Variants in COL24A1 observed in about 807,000 individuals in gnomAD.
COL24A1 encodes collagen type XXIV alpha 1 chain.
COL24A1 carries 224 observed loss-of-function variants against 253.9 expected under a neutral mutation model. That is an observed-to-expected ratio of 0.88 (90% CI 0.79 to 0.99). The LOEUF (loss-of-function observed/expected upper bound fraction) is 0.99, where lower values mean the gene tolerates loss of function less well. COL24A1 is among the 50% of genes least tolerant of loss of function. The pLI is 0.00. For missense variants in COL24A1, 2,131 were observed against 2,068.5 expected, an observed-to-expected ratio of 1.03 and a Z score of -0.59; for synonymous variants, 685 against 673.7, an observed-to-expected ratio of 1.02 and a Z score of -0.26.
At chr1:85,842,178 T>C in intron 40 of COL24A1, 57 bp from the exon 41 acceptor site, 1 of 1,547,618 alleles carries the variant, frequency 6.5e-7, no homozygotes, top group South Asian at 1.1e-5. Flanking sequence ...AGATATTGCA[T>C]TATTCTGAAA....
At chr1:85,970,157 G>T (rs1571415509) in intron 22 of COL24A1, 70 bp downstream of exon 22, 3 of 1,333,112 alleles carry the variant, frequency 2.3e-6, no homozygotes, top group Non-Finnish European at 2.0e-6. Flanking sequence ...ATGTTATGAT[G>T]TTAAAAACAT....
chr1:85,922,708 A>G (rs541438014), intron 24 of COL24A1, among the ~76,000 whole-genome samples: 26 of 152,356 alleles, frequency 1.7e-4, no homozygotes, highest in Admixed American at 1.4e-3. Flanking sequence ...GCTGCTGCAA[A>G]AAACATGCCA....
intron 3 of COL24A1, 145 bp from the exon 4 acceptor site, chr1:86,115,523 C>T (rs1323364038): frequency 1.4e-6 from 1 of 702,246 alleles, no homozygotes; most frequent in African/African-American, 1.8e-5. Context: ...CACGAACCCC[C>T]TTACCCTAAT....
At position 86,018,871 on chromosome 1, in the gene COL24A1, T is replaced by A. The variant is rs571384997; in HGVS notation, c.2257-1667A>T. On this transcript the variant is annotated intron_variant, in intron 18 of 59. Coordinates refer to ENST00000370571, the MANE Select transcript of COL24A1 (RefSeq NM_152890.7). ...CCTCAGAGTGGTAGTTTTCTCTATT[T>A]TTTTTTAAAATACTTGTAGAGCAAA... 1.8e-4 allele frequency among the ~76,000 whole-genome samples: 27 copies of A among 152,274 alleles called. No individual in the cohort carries two copies. In the South Asian group the frequency reaches 5.6e-3, roughly 32 times the overall value.
At chr1:85,879,118 G>T (rs1681529787) in intron 32 of COL24A1, among the ~76,000 whole-genome samples, 1 of 151,890 alleles carries the variant, frequency 6.6e-6, no homozygotes, top group African/African-American at 2.4e-5. Flanking sequence ...TCTTTCATGG[G>T]TTGTGCTTTT....
In COL24A1 at chr1:85,730,571, T is replaced by C. The variant is rs754224232; in HGVS notation, c.5120A>G (p.Asp1707Gly). Residue 1707 changes from aspartate (D) to glycine (G), a missense_variant, in exon 60 of 60, where the codon GAC (aspartate) becomes GGC (glycine). Coordinates refer to ENST00000370571, the MANE Select transcript of COL24A1 (RefSeq NM_152890.7). ...TTACAGAAAGCATACAGAACTGCTG[T>C]CAATGTAATACTTTCGTTCAGTTTT... ...HLKTERKYYIDSSSVCFL is the reference protein window; with the variant it reads ...HLKTERKYYIGSSSVCFL 3.7e-6 allele frequency: 6 copies of C among 1,613,836 alleles called. No homozygotes were observed. Among genetic ancestry groups the C allele is most frequent in the Non-Finnish European group, 5.1e-6 (6 of 1,179,872 alleles).
chr1:86,074,195 G>A (rs975044130), intron 7 of COL24A1, among the ~76,000 whole-genome samples: 12 of 152,144 alleles, frequency 7.9e-5, no homozygotes, highest in South Asian at 2.1e-4. Context: ...AAGACCCATC[G>A]GTGTGCTGTA....
chr1:85,828,436 G>C (rs1674695453), intron 43 of COL24A1, among the ~76,000 whole-genome samples: 3 of 151,166 alleles, frequency 2.0e-5, no homozygotes, highest in African/African-American at 7.3e-5. Flanking sequence ...ATGTCTATTA[G>C]GTCTGCTTGG....
At chr1:86,111,950 C>A (rs1315545229) in intron 5 of COL24A1, among the ~76,000 whole-genome samples, 2 of 152,190 alleles carry the variant, frequency 1.3e-5, no homozygotes, top group Non-Finnish European at 2.9e-5. Context: ...TCAGAAGGAA[C>A]AAACTCTGGA....
rs148215836 is a variant in COL24A1, at chr1:85,997,015, A to ATG, written c.2311-9362_2311-9361insCA. On this transcript the variant is annotated intron_variant, in intron 19 of 59. Coordinates refer to ENST00000370571, the MANE Select transcript of COL24A1 (RefSeq NM_152890.7). ...GGATATCTTGTTTTCTTTCATATAT[A>ATG]TATGTGTGTGTGTATATATATATAT... Among the ~76,000 whole-genome samples the ATG allele has an allele frequency of 4.8e-3, 445 of 92,620 alleles. 15 individuals carry two copies. The highest frequency in any genetic ancestry group is 0.014 in the Middle Eastern group (3 of 212). 60.8% of individuals were successfully genotyped at this position (92,620 alleles called of 152,430 possible).
At chr1:86,022,907 C>T (rs1697682211) in intron 15 of COL24A1, 30 bp from the exon 16 acceptor site, 2 of 1,612,060 alleles carry the variant, frequency 1.2e-6, no homozygotes, top group Non-Finnish European at 8.5e-7. Context: ...TTTGTGATAT[C>T]ATAGACAGAT....
intron 24 of COL24A1, among the ~76,000 whole-genome samples, chr1:85,922,617 G>T (rs2103019549): frequency 6.6e-6 from 1 of 152,262 alleles, no homozygotes; most frequent in East Asian, 1.9e-4. Context: ...ACAAGCAAAT[G>T]CTGAGAGATT....
intron 22 of COL24A1, among the ~76,000 whole-genome samples, chr1:85,968,621 C>A (rs1166734029): frequency 6.6e-6 from 1 of 152,020 alleles, no homozygotes; most frequent in Non-Finnish European, 1.5e-5. Context: ...AGTTAAGAAC[C>A]TGAATTATTA....
At chr1:85,846,430 T>C (rs1010362050) in intron 39 of COL24A1, among the ~76,000 whole-genome samples, 4 of 151,954 alleles carry the variant, frequency 2.6e-5, no homozygotes, top group Admixed American at 6.5e-5. Context: ...CAGCAAAAGA[T>C]ATACAAAATT....
chr1:85,829,176 C>G (rs1674833452), intron 43 of COL24A1, among the ~76,000 whole-genome samples: 2 of 150,042 alleles, frequency 1.3e-5, no homozygotes, highest in Non-Finnish European at 1.5e-5. Flanking sequence ...TTCTCCTTCA[C>G]TTATGAAGCT....
intron 24 of COL24A1, among the ~76,000 whole-genome samples, chr1:85,948,523 CAAAAA>C (rs751884453): frequency 3.1e-5 from 2 of 63,616 alleles, no homozygotes; most frequent in Admixed American, 2.0e-4. Flanking sequence ...GACTCCGTCT[CAAAAA>C]AAAAAAAAAA....
At chr1:85,763,901 T>G (rs1667096058) in intron 53 of COL24A1, among the ~76,000 whole-genome samples, 3 of 152,246 alleles carry the variant, frequency 2.0e-5, no homozygotes, top group Admixed American at 2.0e-4. Flanking sequence ...TCTTTTCACT[T>G]TATCCCAGAA....
chr1:86,092,337 T>C lies in COL24A1; in HGVS notation c.1600-17A>G. ...TTTGGGGCCCTAAATAAAATAGTTATAAAACAGTTGGTGAAGCATAAGTTG... is the reference window on the plus strand; with the variant it reads ...TTTGGGGCCCTAAATAAAATAGTTACAAAACAGTTGGTGAAGCATAAGTTG... On this transcript the variant is annotated splice_polypyrimidine_tract_variant and intron_variant, in intron 5 of 59. Coordinates refer to ENST00000370571, the MANE Select transcript of COL24A1 (RefSeq NM_152890.7). The C allele has an allele frequency of 1.3e-6, 2 of 1,591,404 alleles. No homozygotes were observed. The highest frequency in any genetic ancestry group is 1.7e-6 in the Non-Finnish European group (2 of 1,162,294).
chr1:85,980,668 G>C (rs1350227875), intron 20 of COL24A1, among the ~76,000 whole-genome samples: 1 of 152,108 alleles, frequency 6.6e-6, no homozygotes, highest in Non-Finnish European at 1.5e-5. Context: ...CAGCACTTTG[G>C]GAGGCCAAGG....
Sources: allele counts gnomAD v4.1 joint callset (sites outside exome capture counted in the v4.1 genomes callset), GRCh38; gene constraint gnomAD v4.1.1; transcripts MANE v1.5; gene names NCBI Gene and HGNC (gene_info 2026-07-23, HGNC 2026-07-21).